DACH2: variants seen among roughly 807,000 people sequenced by gnomAD.
DACH2 encodes dachshund family transcription factor 2.
Under a neutral mutation model 35.8 loss-of-function variants are expected in DACH2, and 17 were observed. That is an observed-to-expected ratio of 0.48 (90% CI 0.33 to 0.71). DACH2 has a LOEUF of 0.71. Among genes scored for constraint, DACH2 ranks in the 30% least tolerant of loss-of-function variants. The pLI, the probability that DACH2 is intolerant of heterozygous loss-of-function variation, is 0.02. For synonymous variants in DACH2, 195 were observed against 177.3 expected (o/e 1.10, Z -0.79); for missense variants, 469 against 472.7 (o/e 0.99, Z 0.07).
At chrX:86,165,651 T>A (rs1569288514) in intron 1 of DACH2, among the ~76,000 whole-genome samples, 1 of 111,531 alleles carries the variant, frequency 9.0e-6, no homozygotes, top group Non-Finnish European at 1.9e-5. Context: ...TCTTCTCAAA[T>A]CTTTTTCTTA....
At chrX:86,587,311 C>T (rs778106237) in intron 3 of DACH2, among the ~76,000 whole-genome samples, 45 of 111,371 alleles carry the variant, frequency 4.0e-4, no homozygotes, top group Non-Finnish European at 6.4e-4. Context: ...GAAGCTTTGG[C>T]GAAAAGACTA....
intron 11 of DACH2, chrX:86,828,751 A>G (rs2042584660): frequency 9.0e-6 from 1 of 110,810 alleles, no homozygotes; most frequent in Non-Finnish European, 1.9e-5. Flanking sequence ...TACTTAGAGG[A>G]GATCTGACCA....
chrX:86,684,744 GA>G, intron 4 of DACH2, among the ~76,000 whole-genome samples: 1 of 109,910 alleles, frequency 9.1e-6, no homozygotes, highest in East Asian at 2.9e-4. Context: ...GATTGATTAT[GA>G]AAAAAACTGT....
intron 11 of DACH2, among the ~76,000 whole-genome samples, chrX:86,821,631 C>T (rs2042513716): frequency 9.0e-6 from 1 of 111,412 alleles, no homozygotes; most frequent in Admixed American, 9.6e-5. Context: ...ACACATTATA[C>T]TTCTAATTTT....
chrX:86,723,433 G>A (rs1325373308), intron 6 of DACH2, among the ~76,000 whole-genome samples: 1 of 108,701 alleles, frequency 9.2e-6, no homozygotes, highest in African/African-American at 3.3e-5. Context: ...GGCAGTTAAC[G>A]GTATAAACTT....
intron 2 of DACH2, among the ~76,000 whole-genome samples, chrX:86,450,649 C>T (rs189203530): frequency 9.0e-6 from 1 of 110,621 alleles, no homozygotes; most frequent in Non-Finnish European, 1.9e-5. Flanking sequence ...AATTGCCACG[C>T]TGTCTTCCAC....
At chrX:86,666,173 A>T (rs1263173910) in intron 4 of DACH2, among the ~76,000 whole-genome samples, 2 of 111,130 alleles carry the variant, frequency 1.8e-5, no homozygotes, top group African/African-American at 6.5e-5. Flanking sequence ...ATATTTTCTA[A>T]CTGTATCCTC....
At chrX:86,804,608 T>A (rs929383474) in intron 7 of DACH2, among the ~76,000 whole-genome samples, 2 of 112,208 alleles carry the variant, frequency 1.8e-5, no homozygotes, top group African/African-American at 6.5e-5. Context: ...TCCAAAGTCT[T>A]ATCTGAGACA....
At chrX:86,594,591 G>A (rs1290627789) in intron 3 of DACH2, among the ~76,000 whole-genome samples, 1 of 110,693 alleles carries the variant, frequency 9.0e-6, no homozygotes. Context: ...GTGTTATGTA[G>A]AAATGTGCTG....
At chrX:86,675,504 G>A in intron 4 of DACH2, among the ~76,000 whole-genome samples, 1 of 111,050 alleles carries the variant, frequency 9.0e-6, no homozygotes, top group Non-Finnish European at 1.9e-5. Flanking sequence ...GGGCAACATG[G>A]CAAGAGATCG....
chrX:86,520,593 G>A (rs993088710), intron 3 of DACH2, among the ~76,000 whole-genome samples: 1 of 111,612 alleles, frequency 9.0e-6, no homozygotes, highest in African/African-American at 3.3e-5. Context: ...CTTCTGGGTT[G>A]AGTGCATATA....
chrX:86,688,544 C>A (rs185165893), intron 4 of DACH2, among the ~76,000 whole-genome samples: 9 of 111,883 alleles, frequency 8.0e-5, no homozygotes, highest in Non-Finnish European at 1.3e-4. Context: ...TCTTTGAGGG[C>A]AAGGGATTTG....
chrX:86,294,111 CT>C (rs2148003456), intron 1 of DACH2, among the ~76,000 whole-genome samples: 1 of 111,214 alleles, frequency 9.0e-6, no homozygotes, highest in Non-Finnish European at 1.9e-5. Flanking sequence ...TTCTTGGAGG[CT>C]TTGCTCGTTT....
intron 2 of DACH2, among the ~76,000 whole-genome samples, chrX:86,491,565 C>G (rs965143554): frequency 9.0e-6 from 1 of 111,393 alleles, no homozygotes; most frequent in African/African-American, 3.3e-5. Flanking sequence ...GTGTTTCCAC[C>G]CTTTATTTTC....
chrX:86,745,047 T>C (rs1249960732), intron 7 of DACH2, among the ~76,000 whole-genome samples: 1 of 110,972 alleles, frequency 9.0e-6, no homozygotes, highest in Non-Finnish European at 1.9e-5. Context: ...TGGAAAACTC[T>C]CTATGTGCAA....
intron 1 of DACH2, among the ~76,000 whole-genome samples, chrX:86,310,493 C>T (rs1293720308): frequency 9.0e-6 from 1 of 111,421 alleles, no homozygotes; most frequent in Non-Finnish European, 1.9e-5. Context: ...CAGGCACCAC[C>T]CAAAAGTGGA....
chrX:86,653,675 T>G (rs1480131455), intron 4 of DACH2, among the ~76,000 whole-genome samples: 1 of 100,345 alleles, frequency 1.0e-5, no homozygotes, highest in African/African-American at 3.7e-5. Flanking sequence ...TTTTTTTTTT[T>G]TTTTTTTTGA....
intron 3 of DACH2, among the ~76,000 whole-genome samples, chrX:86,526,287 A>G (rs1383124828): frequency 8.9e-6 from 1 of 112,032 alleles, no homozygotes; most frequent in Admixed American, 9.5e-5. Context: ...GTCATATACA[A>G]GTATCACCTA....
chrX:86,546,339 C>CTCCTCTTCT (rs1380637599), intron 3 of DACH2, among the ~76,000 whole-genome samples: 18 of 67,189 alleles, frequency 2.7e-4, no homozygotes, highest in East Asian at 5.9e-4. Context: ...CTTCTTCTTC[C>CTCCTCTTCT]TCTTCTTCTT....
Sources: gnomAD v4.1 joint callset for allele counts (sites outside exome capture counted in the v4.1 genomes callset) on GRCh38, gnomAD v4.1.1 for gene constraint, MANE v1.5 for transcripts, NCBI Gene and HGNC (gene_info 2026-07-23, HGNC 2026-07-21) for gene names.